The following FXN variants were observed in gnomAD, a reference collection of about 807,000 sequenced individuals.
FXN encodes frataxin, mitochondrial.
A neutral mutation model predicts 22.4 loss-of-function variants in FXN; 14 were observed. That is an observed-to-expected ratio of 0.62 (90% CI 0.41 to 0.98). FXN has a LOEUF of 0.98. Ranked by LOEUF, FXN falls within the 50% of genes least tolerant of loss-of-function variation. The pLI is 0.00. For missense variants in FXN, 267 were observed against 268.4 expected, an observed-to-expected ratio of 0.99 and a Z score of 0.04; for synonymous variants, 120 against 114.1, an observed-to-expected ratio of 1.05 and a Z score of -0.33.
At chr9:69,056,360 T>G (rs572525789) in intron 3 of FXN, among the ~76,000 whole-genome samples, 8 of 152,324 alleles carry the variant, frequency 5.3e-5, no homozygotes, top group African/African-American at 1.7e-4. Context: ...TGGGAGGATC[T>G]ATGAATATTC....
At position 69,075,638 on chromosome 9, in the gene FXN, A is replaced by G; in HGVS notation, c.*2876A>G. The G allele has an allele frequency of 1.0e-6, 1 of 985,388 alleles. No homozygotes were observed. The highest frequency in any genetic ancestry group is 1.2e-6 in the Non-Finnish European group (1 of 829,840). 61.0% of individuals were successfully genotyped at this position (985,388 alleles called of 1,614,324 possible). A position where few individuals can be genotyped will look rare whatever the true frequency, so the allele number is the denominator to read the frequency against. ...TGGTGTGGTCCAGTCATCCATGTGAAGGATGAGTTTCCAGGAAAAGGTTAT... is the reference window on the plus strand; with the variant it reads ...TGGTGTGGTCCAGTCATCCATGTGAGGGATGAGTTTCCAGGAAAAGGTTAT... On this transcript the variant is annotated 3_prime_UTR_variant, in exon 5 of 5. Coordinates refer to ENST00000484259, the MANE Select transcript of FXN (RefSeq NM_000144.5).
chr9:69,062,951 A>G (rs1363475605), intron 3 of FXN, among the ~76,000 whole-genome samples: 2 of 152,156 alleles, frequency 1.3e-5, no homozygotes, highest in African/African-American at 2.4e-5. Context: ...TAATCCCAGC[A>G]CTTTGGGAGG....
rs1832409207 is a variant in FXN, at chr9:69,078,388, G to T, written c.*5626G>T. On this transcript the variant is annotated 3_prime_UTR_variant, in exon 5 of 5. Transcript: ENST00000484259. ...CCCTCTCCTGCCCGTCCCCAGTGGA[G>T]GTCCTCATCATTTTTCACCTGCATT... 1.7e-5 allele frequency: 17 copies of T among 985,406 alleles called. No individual in the cohort carries two copies. Among genetic ancestry groups the T allele is most frequent in the Non-Finnish European group, 2.0e-5 (17 of 829,960 alleles). The allele number at this position is 985,406 out of a possible 1,614,324, so 61.0% of individuals were successfully genotyped here. A position where few individuals can be genotyped will look rare whatever the true frequency, so the allele number is the denominator to read the frequency against.
Position 69,075,416 on chromosome 9 carries a change from T to C in FXN, c.*2654T>C, listed in dbSNP as rs1305331713. ...TGGAGGTTGCAGTGAGACGAGATCA[T>C]GCCACTTCACTCCAGCCTGGCCAAC... On this transcript the variant is annotated 3_prime_UTR_variant, in exon 5 of 5. Transcript: ENST00000484259. 2.3e-6 allele frequency: 2 copies of C among 871,752 alleles called. No individual in the cohort carries two copies. Among genetic ancestry groups the C allele is most frequent in the African/African-American group, 3.7e-5 (2 of 54,694 alleles). 54.0% of individuals were successfully genotyped at this position (871,752 alleles called of 1,614,324 possible).
chr9:69,072,233 A>G (rs1056317039), intron 4 of FXN, among the ~76,000 whole-genome samples: 2 of 152,270 alleles, frequency 1.3e-5, no homozygotes, highest in African/African-American at 2.4e-5. Flanking sequence ...CACCTTAACA[A>G]CTAATAATAT....
intron 3 of FXN, among the ~76,000 whole-genome samples, chr9:69,054,515 G>C (rs1380225312): frequency 1.3e-5 from 2 of 152,036 alleles, no homozygotes; most frequent in African/African-American, 2.4e-5. Flanking sequence ...TTGTTTGTCT[G>C]TTTGTTTGTT....
At chr9:69,065,142 T>A in intron 4 of FXN, 107 bp downstream of exon 4, 1 of 834,132 alleles carries the variant, frequency 1.2e-6, no homozygotes, top group Admixed American at 1.9e-5. Flanking sequence ...GGCTGACACC[T>A]GTAATCCCAA....
chr9:69,046,515 C>T (rs373138697), intron 2 of FXN, 33 bp downstream of exon 2: 125 of 1,446,256 alleles, frequency 8.6e-5, no homozygotes, highest in Middle Eastern at 6.9e-4. Context: ...TCATAGGTAT[C>T]TTCCTCTCTC....
chr9:69,072,598 GT>G lies in FXN; in HGVS notation c.483-10del. On this transcript the variant is annotated splice_polypyrimidine_tract_variant and intron_variant, in intron 4 of 4. Transcript: ENST00000484259. The stretch of plus-strand genomic sequence containing the variant: ...TGTGCTGTGGAATTACTATGCATTT[GT>G]TTTGTCTTCCAGTGGACCTAAGCGT... 1 of 1,614,040 alleles carries G rather than the reference GT, an allele frequency of 6.2e-7. No individual in the cohort carries two copies. The highest frequency in any genetic ancestry group is 8.5e-7 in the Non-Finnish European group (1 of 1,180,028).
chr9:69,067,890 G>T (rs1832200022), intron 4 of FXN, among the ~76,000 whole-genome samples: 1 of 152,184 alleles, frequency 6.6e-6, no homozygotes, highest in Non-Finnish European at 1.5e-5. Context: ...GAATATGCAG[G>T]TCCAGTGGGG....
chr9:69,049,799 C>T (rs1227212152), intron 2 of FXN, among the ~76,000 whole-genome samples: 1 of 152,104 alleles, frequency 6.6e-6, no homozygotes, highest in African/African-American at 2.4e-5. Context: ...ATCACTCCCC[C>T]ATTCCGCCTT....
intron 1 of FXN, among the ~76,000 whole-genome samples, chr9:69,037,404 T>A (rs1444134183): frequency 6.6e-6 from 1 of 151,860 alleles, no homozygotes; most frequent in East Asian, 1.9e-4. Flanking sequence ...AGGCAGAGGT[T>A]GCATTAAGCC....
chr9:69,067,439 G>A (rs770301407), intron 4 of FXN, among the ~76,000 whole-genome samples: 20 of 152,338 alleles, frequency 1.3e-4, no homozygotes, highest in Non-Finnish European at 2.6e-4. Flanking sequence ...CCAGACACAC[G>A]GTTATGTCTG....
chr9:69,055,685 G>A (rs1831946624), intron 3 of FXN, among the ~76,000 whole-genome samples: 1 of 151,352 alleles, frequency 6.6e-6, no homozygotes, highest in Non-Finnish European at 1.5e-5. Flanking sequence ...GTAGAAATGG[G>A]GTTTCACCAT....
intron 4 of FXN, among the ~76,000 whole-genome samples, chr9:69,068,353 A>G (rs1278870445): frequency 1.3e-5 from 2 of 152,202 alleles, no homozygotes; most frequent in Admixed American, 1.3e-4. Context: ...TTTCTAGAAC[A>G]TGGGGTGCCT....
At chr9:69,067,558 T>C (rs1832192761) in intron 4 of FXN, among the ~76,000 whole-genome samples, 1 of 152,174 alleles carries the variant, frequency 6.6e-6, no homozygotes, top group South Asian at 2.1e-4. Flanking sequence ...GAAGTCCCCA[T>C]ACTCTCTGTG....
intron 1 of FXN, among the ~76,000 whole-genome samples, chr9:69,043,139 C>T (rs1430670201): frequency 1.3e-5 from 2 of 152,204 alleles, no homozygotes; most frequent in Non-Finnish European, 2.9e-5. Context: ...TGAGCTCCTC[C>T]AGGCTCATGT....
chr9:69,038,987 T>A (rs1439621114), intron 1 of FXN, among the ~76,000 whole-genome samples: 4 of 152,100 alleles, frequency 2.6e-5, no homozygotes, highest in Non-Finnish European at 5.9e-5. Context: ...GTGTGGTTGC[T>A]CACACCTGTA....
At chr9:69,041,704 C>G (rs1444131816) in intron 1 of FXN, among the ~76,000 whole-genome samples, 1 of 152,222 alleles carries the variant, frequency 6.6e-6, no homozygotes, top group Non-Finnish European at 1.5e-5. Context: ...GCTGGCCATC[C>G]AGGCCAGTCC....
Sources: allele counts gnomAD v4.1 joint callset (sites outside exome capture counted in the v4.1 genomes callset), GRCh38; gene constraint gnomAD v4.1.1; transcripts MANE v1.5; gene names NCBI Gene and HGNC (gene_info 2026-07-23, HGNC 2026-07-21).